CSNK2A2: variants seen among roughly 807,000 people sequenced by gnomAD.
The protein encoded by CSNK2A2 is casein kinase 2 alpha 2, also known as casein kinase II subunit alpha'.
CSNK2A2 carries 8 observed loss-of-function variants against 54.0 expected under a neutral mutation model. That is an observed-to-expected ratio of 0.15 (90% CI 0.09 to 0.27). The LOEUF (loss-of-function observed/expected upper bound fraction) is 0.27. Among genes scored for constraint, CSNK2A2 ranks in the 10% least tolerant of loss-of-function variants. The pLI, the probability that CSNK2A2 is intolerant of heterozygous loss-of-function variation, is 1.00. For synonymous variants in CSNK2A2, 141 were observed against 153.9 expected, an observed-to-expected ratio of 0.92 and a Z score of 0.62; for missense variants, 242 against 439.4, an observed-to-expected ratio of 0.55 and a Z score of 4.02.
intron 2 of CSNK2A2, among the ~76,000 whole-genome samples, chr16:58,196,359 C>T (rs780168601): frequency 6.6e-6 from 1 of 152,150 alleles, no homozygotes. Context: ...CCTCTAATCC[C>T]AGCAACTATA....
Position 58,165,669 on chromosome 16 carries a change from C to T in CSNK2A2, c.867G>A (p.Glu289=), listed in dbSNP as rs951500034. The change falls in exon 10 of 12, where the codon GAG becomes GAA. Residue 289 remains glutamate, a synonymous_variant. Coordinates refer to ENST00000262506, the MANE Select transcript of CSNK2A2 (RefSeq NM_001896.4). ...RKRWENFIHS[E]NRHLVSPEAL... The stretch of plus-strand genomic sequence containing the variant: ...CCTCAGGGCTGACAAGGTGTCTGTT[C>T]TCACTATGGATAAAGTTTTCCCAGC... 1 of 1,613,552 alleles carries T rather than the reference C, an allele frequency of 6.2e-7. No individual in the cohort carries two copies. The highest frequency in any genetic ancestry group is 8.5e-7 in the Non-Finnish European group (1 of 1,179,866).
At chr16:58,194,919 T>A (rs1340269502) in intron 2 of CSNK2A2, among the ~76,000 whole-genome samples, 2 of 143,246 alleles carry the variant, frequency 1.4e-5, no homozygotes, top group African/African-American at 4.9e-5. Context: ...TGAATGCTGT[T>A]CCTTTAAAAA....
intron 2 of CSNK2A2, among the ~76,000 whole-genome samples, chr16:58,191,046 A>G (rs1962309673): frequency 6.6e-6 from 1 of 152,222 alleles, no homozygotes; most frequent in Admixed American, 6.5e-5. Flanking sequence ...TAGCCTTAAA[A>G]TGGAAGGAAA....
rs540983789 is a variant in CSNK2A2 at position 58,189,384 on chromosome 16, C to G, written c.217-2528G>C. Reference sequence around the variant, plus strand: ...AGCTATAGATCTATAAGAGTGGTAACAGAGAGGAAAAAAACCCACAGCCAG... The same window carrying G: ...AGCTATAGATCTATAAGAGTGGTAAGAGAGAGGAAAAAAACCCACAGCCAG... On this transcript the variant is annotated intron_variant, in intron 2 of 11. Coordinates refer to ENST00000262506, the MANE Select transcript of CSNK2A2 (RefSeq NM_001896.4). Among the ~76,000 whole-genome samples the G allele has an allele frequency of 4.6e-5, 7 of 152,230 alleles. No homozygotes were observed. In the East Asian group the frequency reaches 1.4e-3, roughly 29 times the overall value.
At chr16:58,173,460 C>T (rs1211437108) in intron 5 of CSNK2A2, among the ~76,000 whole-genome samples, 2 of 152,156 alleles carry the variant, frequency 1.3e-5, no homozygotes, top group African/African-American at 2.4e-5. Flanking sequence ...TGATCCAGGA[C>T]ACAAAAATCT....
At chr16:58,191,832 C>T (rs1293433853) in intron 2 of CSNK2A2, among the ~76,000 whole-genome samples, 1 of 152,152 alleles carries the variant, frequency 6.6e-6, no homozygotes, top group Non-Finnish European at 1.5e-5. Context: ...TTATTGATCT[C>T]TCAGGCCAGG....
chr16:58,171,984 T>TATATACA (rs1961757983), intron 5 of CSNK2A2, among the ~76,000 whole-genome samples: 1 of 66,110 alleles, frequency 1.5e-5, no homozygotes, highest in African/African-American at 7.6e-5. Context: ...TATATATTTT[T>TATATACA]TTTTTTTTTT....
chr16:58,177,876 T>A (rs1961922651), intron 4 of CSNK2A2, among the ~76,000 whole-genome samples: 1 of 152,224 alleles, frequency 6.6e-6, no homozygotes, highest in Non-Finnish European at 1.5e-5. Context: ...AGTTCCAGAA[T>A]AAAACCGAGG....
intron 2 of CSNK2A2, among the ~76,000 whole-genome samples, chr16:58,187,081 A>T (rs1325287051): frequency 6.6e-6 from 1 of 151,810 alleles, no homozygotes; most frequent in Non-Finnish European, 1.5e-5. Context: ...ATGTGTCAAG[A>T]TCTTCTAAGT....
intron 4 of CSNK2A2, among the ~76,000 whole-genome samples, chr16:58,182,235 A>C (rs1443043424): frequency 6.6e-6 from 1 of 152,064 alleles, no homozygotes; most frequent in Non-Finnish European, 1.5e-5. Flanking sequence ...TGTCACTTTA[A>C]GAAACAGAAA....
intron 3 of CSNK2A2, among the ~76,000 whole-genome samples, chr16:58,185,132 G>C (rs1962156418): frequency 6.6e-6 from 1 of 151,950 alleles, no homozygotes. Context: ...TTGGGAGAAA[G>C]TAGGGACTTA....
chr16:58,186,408 T>C (rs1362787424), intron 3 of CSNK2A2, among the ~76,000 whole-genome samples: 3 of 152,216 alleles, frequency 2.0e-5, no homozygotes, highest in Non-Finnish European at 4.4e-5. Flanking sequence ...TCATGCTTAC[T>C]TAAGTGAGGT....
At chr16:58,170,308 T>C (rs1407251510) in intron 5 of CSNK2A2, among the ~76,000 whole-genome samples, 1 of 152,066 alleles carries the variant, frequency 6.6e-6, no homozygotes, top group African/African-American at 2.4e-5. Flanking sequence ...CTGGTATAGA[T>C]TTGCCTTTTC....
At chr16:58,163,951 T>C in intron 11 of CSNK2A2, 103 bp downstream of exon 11, 1 of 931,294 alleles carries the variant, frequency 1.1e-6, no homozygotes, top group East Asian at 2.5e-5. Flanking sequence ...CTTCTGTGCA[T>C]TTAGAAGGAA....
At chr16:58,174,399 T>C (rs1023659755) in intron 5 of CSNK2A2, 52 bp downstream of exon 5, 33 of 1,276,342 alleles carry the variant, frequency 2.6e-5, no homozygotes, top group African/African-American at 4.6e-5. Flanking sequence ...CAAAAACTTA[T>C]CTTTTAATGA....
intron 4 of CSNK2A2, among the ~76,000 whole-genome samples, chr16:58,177,537 T>C (rs987110517): frequency 3.9e-5 from 6 of 152,122 alleles, no homozygotes; most frequent in African/African-American, 1.4e-4. Flanking sequence ...ACACAGCTGT[T>C]CAGACTCCAA....
At chr16:58,180,117 A>G (rs1419265397) in intron 4 of CSNK2A2, among the ~76,000 whole-genome samples, 1 of 151,748 alleles carries the variant, frequency 6.6e-6, no homozygotes, top group Non-Finnish European at 1.5e-5. Flanking sequence ...ACAGAATCCA[A>G]TGAGTTTAAT....
chr16:58,166,754 C>T (rs1374329852), intron 8 of CSNK2A2, 70 bp from the exon 9 acceptor site: 66 of 1,101,100 alleles, frequency 6.0e-5, no homozygotes, highest in Non-Finnish European at 5.1e-5. Context: ...GGACACTGCA[C>T]CAAGGAATCA....
intron 9 of CSNK2A2, among the ~76,000 whole-genome samples, chr16:58,166,029 T>C (rs577547396): frequency 2.6e-4 from 40 of 152,356 alleles, no homozygotes; most frequent in Middle Eastern, 3.4e-3. Flanking sequence ...TTTTTATTGG[T>C]CAGCAGATAT....
Sources: allele counts gnomAD v4.1 joint callset (sites outside exome capture counted in the v4.1 genomes callset), GRCh38; gene constraint gnomAD v4.1.1; transcripts MANE v1.5; gene names NCBI Gene and HGNC (gene_info 2026-07-23, HGNC 2026-07-21).